Variants in CTNNA2 observed in about 807,000 individuals in gnomAD.
CTNNA2 encodes the protein catenin alpha 2.
In CTNNA2, 42 loss-of-function variants were observed where a neutral mutation model predicts 101.0. The observed-to-expected ratio is 0.42, with a 90% CI of 0.32 to 0.54. The LOEUF (loss-of-function observed/expected upper bound fraction) is 0.54. Ranked by LOEUF, CTNNA2 falls within the 20% of genes least tolerant of loss-of-function variation. The pLI, the probability that CTNNA2 is intolerant of heterozygous loss-of-function variation, is 0.14. For missense variants in CTNNA2, 871 were observed against 1,223.1 expected, an observed-to-expected ratio of 0.71 and a Z score of 4.29; for synonymous variants, 450 against 456.4, an observed-to-expected ratio of 0.99 and a Z score of 0.18.
chr2:79,566,671 T>C (rs1319594283), intron 1 of CTNNA2, among the ~76,000 whole-genome samples: 2 of 152,256 alleles, frequency 1.3e-5, no homozygotes, highest in Admixed American at 6.5e-5. Flanking sequence ...ACAATACTTT[T>C]TATAAAATGA....
chr2:79,575,382 A>G (rs1435448495), intron 1 of CTNNA2: 1 of 152,144 alleles, frequency 6.6e-6, no homozygotes, highest in East Asian at 1.9e-4. Flanking sequence ...CAGGATGTCA[A>G]ATGCCATCGT....
rs1029527758 is a variant in CTNNA2 at position 79,275,990 on chromosome 2, G to C, written c.-405-36719G>C. ...TGGATGGCAGACTTCAGTTTAGATG[G>C]GATAAAGTGAAGGTCAGGCAGGATA... On this transcript the variant is annotated intron_variant, in intron 2 of 21. Transcript: ENST00000466387. Among the ~76,000 whole-genome samples, 5 of 152,190 alleles carry C rather than the reference G, an allele frequency of 3.3e-5. 1 individual carries two copies. Among genetic ancestry groups the C allele is most frequent in the African/African-American group, 1.2e-4 (5 of 41,566 alleles).
intron 1 of CTNNA2, among the ~76,000 whole-genome samples, chr2:79,556,271 C>G (rs1185848355): frequency 6.6e-6 from 1 of 151,958 alleles, no homozygotes; most frequent in African/African-American, 2.4e-5. Context: ...TGTTCAGTAA[C>G]TGGGAAGGGT....
At chr2:79,837,603 G>A (rs1027932372) in intron 3 of CTNNA2, among the ~76,000 whole-genome samples, 24 of 151,862 alleles carry the variant, frequency 1.6e-4, no homozygotes, top group Admixed American at 1.6e-3. Context: ...TGCAATCGTT[G>A]ATTTTTTTTT....
At chr2:80,331,801 G>A (rs1286658841) in intron 7 of CTNNA2, among the ~76,000 whole-genome samples, 1 of 152,130 alleles carries the variant, frequency 6.6e-6, no homozygotes, top group East Asian at 1.9e-4. Context: ...TACATTCATA[G>A]CCTTAAGAAC....
chr2:80,126,429 CT>C (rs1337322315), intron 7 of CTNNA2, among the ~76,000 whole-genome samples: 4 of 151,690 alleles, frequency 2.6e-5, no homozygotes, highest in African/African-American at 9.7e-5. Flanking sequence ...CTTCTCTTTG[CT>C]CTAAATCTCT....
chr2:79,696,577 G>T lies in CTNNA2; in HGVS notation c.102+44919G>T, dbSNP rs576604976. ...GCATGTGTGTGCCCATCCTTGATTTGGAGGGTCTGAACTAATTTTAATCCC... is the reference window on the plus strand; with the variant it reads ...GCATGTGTGTGCCCATCCTTGATTTTGAGGGTCTGAACTAATTTTAATCCC... On this transcript the variant is annotated intron_variant, in intron 2 of 18. Coordinates refer to ENST00000402739, the MANE Select transcript of CTNNA2 (RefSeq NM_001282597.3). Among the ~76,000 whole-genome samples, 313 of 152,074 alleles carry T rather than the reference G, an allele frequency of 2.1e-3. 1 individual carries two copies. Among genetic ancestry groups the T allele is most frequent in the South Asian group, 9.1e-3 (44 of 4,822 alleles).
At position 80,529,602 on chromosome 2, in the gene CTNNA2, T is replaced by C. The variant is rs578012911; in HGVS notation, c.1291-15380T>C. ...ATTATTGGTGTTCACACAATGAGTA[T>C]GCTTGCTAAACTTGGATCCCACAAA... On this transcript the variant is annotated intron_variant, in intron 9 of 18. Coordinates refer to ENST00000402739, the MANE Select transcript of CTNNA2 (RefSeq NM_001282597.3). Among the ~76,000 whole-genome samples the C allele has an allele frequency of 2.6e-5, 4 of 152,292 alleles. No individual in the cohort carries two copies. The South Asian group carries it at 8.3e-4, about 32-fold the overall frequency.
chr2:80,064,655 T>C (rs1461914155), intron 7 of CTNNA2, among the ~76,000 whole-genome samples: 1 of 152,226 alleles, frequency 6.6e-6, no homozygotes, highest in African/African-American at 2.4e-5. Flanking sequence ...CTCCTCCATG[T>C]GGTTTCCACA....
At chr2:79,647,731 T>C (rs1680920504) in intron 1 of CTNNA2, among the ~76,000 whole-genome samples, 1 of 152,168 alleles carries the variant, frequency 6.6e-6, no homozygotes, top group African/African-American at 2.4e-5. Context: ...TATTGCTGAT[T>C]AATAGTTAAT....
intron 4 of CTNNA2, among the ~76,000 whole-genome samples, chr2:79,473,195 A>G (rs1165701845): frequency 2.6e-5 from 4 of 152,176 alleles, no homozygotes; most frequent in Non-Finnish European, 5.9e-5. Flanking sequence ...AGTTCTTTTT[A>G]TAACAATCTA....
In CTNNA2 at chr2:80,647,676, A is replaced by C; in HGVS notation, c.2666A>C (p.Lys889Thr). The change falls in exon 19 of 19, where the codon AAA becomes ACA. Residue 889 changes from lysine (K) to threonine (T), a missense_variant. By Grantham distance (78) the Lys-to-Thr change is moderately conservative. Coordinates refer to ENST00000402739, the MANE Select transcript of CTNNA2 (RefSeq NM_001282597.3). Reference sequence around the variant, plus strand: ...AAAGCATCCTATGTGGCCTCAACCAAATACCAGAAGGTCTATGGGACAGCA... The same window carrying C: ...AAAGCATCCTATGTGGCCTCAACCACATACCAGAAGGTCTATGGGACAGCA... ...TVKASYVAST[K>T]YQKVYGTAAV... 1 of 1,613,442 alleles carries C rather than the reference A, an allele frequency of 6.2e-7. No individual in the cohort carries two copies. The highest frequency in any genetic ancestry group is 8.5e-7 in the Non-Finnish European group (1 of 1,179,492).
intron 4 of CTNNA2, among the ~76,000 whole-genome samples, chr2:79,465,160 A>G (rs1670919729): frequency 6.6e-6 from 1 of 152,164 alleles, no homozygotes; most frequent in African/African-American, 2.4e-5. Flanking sequence ...TAATTTTTGT[A>G]TAAAGTGTAA....
At chr2:80,450,185 T>A (rs7609261) in intron 9 of CTNNA2, among the ~76,000 whole-genome samples, 1 of 151,954 alleles carries the variant, frequency 6.6e-6, no homozygotes, top group Non-Finnish European at 1.5e-5. Context: ...CTGGATTAAG[T>A]CAAATTAAAG....
Position 80,578,903 on chromosome 2 carries a change from G to T in CTNNA2, c.1894-2803G>T, listed in dbSNP as rs1035658479. 3 of 151,974 alleles carry T rather than the reference G, an allele frequency of 2.0e-5. No homozygotes were observed. In the East Asian group the frequency reaches 5.8e-4, roughly 29 times the overall value. 9.4% of individuals were successfully genotyped at this position (151,974 alleles called of 1,614,324 possible). A position where few individuals can be genotyped will look rare whatever the true frequency, so the allele number is the denominator to read the frequency against. ...GATTGCCATTATTATTGCTGTTGTT[G>T]TTATTAGGTGTTATATTTTATTATT... On this transcript the variant is annotated intron_variant, in intron 13 of 18. Coordinates refer to ENST00000402739, the MANE Select transcript of CTNNA2 (RefSeq NM_001282597.3).
chr2:79,361,327 G>A (rs527844879), intron 3 of CTNNA2, among the ~76,000 whole-genome samples: 2 of 152,170 alleles, frequency 1.3e-5, no homozygotes, highest in Non-Finnish European at 2.9e-5. Flanking sequence ...TAATTGGGTG[G>A]ATAAGTTATG....
At chr2:79,567,415 G>A (rs893147352) in intron 1 of CTNNA2, among the ~76,000 whole-genome samples, 5 of 151,726 alleles carry the variant, frequency 3.3e-5, no homozygotes, top group African/African-American at 7.3e-5. Context: ...GACTAATGCT[G>A]AGTAGTCTCT....
chr2:80,365,078 G>A (rs1188252655), intron 7 of CTNNA2, among the ~76,000 whole-genome samples: 1 of 152,008 alleles, frequency 6.6e-6, no homozygotes, highest in Non-Finnish European at 1.5e-5. Context: ...CTGCATACCT[G>A]GCCTTGTGCC....
At chr2:80,453,867 A>C (rs1433445048) in intron 9 of CTNNA2, among the ~76,000 whole-genome samples, 1 of 152,154 alleles carries the variant, frequency 6.6e-6, no homozygotes, top group African/African-American at 2.4e-5. Flanking sequence ...TTTTTGTGTG[A>C]TGAATAAATA....
Sources: gnomAD v4.1 joint callset for allele counts (sites outside exome capture counted in the v4.1 genomes callset) on GRCh38, gnomAD v4.1.1 for gene constraint, MANE v1.5 for transcripts, NCBI Gene and HGNC (gene_info 2026-07-23, HGNC 2026-07-21) for gene names.